Variants in NT5DC1 observed in about 807,000 individuals in gnomAD.
NT5DC1 encodes the protein 5'-nucleotidase domain containing 1, also known as 5'-nucleotidase domain-containing protein 1.
In NT5DC1, 42 loss-of-function variants were observed where a neutral mutation model predicts 59.4. The ratio of observed to expected loss-of-function variants is 0.71; its 90% confidence interval spans 0.55 to 0.92. NT5DC1 has a LOEUF of 0.92. NT5DC1 is among the 40% of genes least tolerant of loss of function. The pLI is 0.00. For missense variants in NT5DC1, 501 were observed against 537.1 expected, an observed-to-expected ratio of 0.93 and a Z score of 0.66; for synonymous variants, 172 against 188.1, an observed-to-expected ratio of 0.91 and a Z score of 0.70.
At chr6:116,139,065 C>G (rs1246751258) in intron 6 of NT5DC1, among the ~76,000 whole-genome samples, 1 of 151,774 alleles carries the variant, frequency 6.6e-6, no homozygotes, top group Non-Finnish European at 1.5e-5. Context: ...AATAGTGCAA[C>G]TACAAAAAAA....
rs370375926 is a variant in NT5DC1, at chr6:116,223,037, T to A, written c.708T>A (p.Asn236Lys). 1.9e-6 allele frequency: 3 copies of A among 1,559,786 alleles called. No homozygotes were observed. The highest frequency in any genetic ancestry group is 2.6e-6 in the Non-Finnish European group (3 of 1,134,574). ...TGAAAAATTGTGTTGCTTTTAGGAA[T>A]GATTTTACAGACCTTTTTGACATTG... ...CRLLCEYILG[N>K]DFTDLFDIVI... The change falls in exon 8 of 12, where the codon AAT (asparagine) becomes AAA (lysine). Residue 236 changes from asparagine to lysine, a missense_variant. By Grantham distance (94) the Asn-to-Lys change is moderately conservative. Transcript: ENST00000319550.
rs367736021 is a variant in NT5DC1, at chr6:116,110,841, C to A, written c.258-9C>A. On this transcript the variant is annotated splice_polypyrimidine_tract_variant and intron_variant, in intron 3 of 11. Coordinates refer to ENST00000319550, the MANE Select transcript of NT5DC1 (RefSeq NM_152729.3). ...TTAATGAGCAATGTGCCTCCTCTCT[C>A]AAAATCAGGGCAAGCCATGGCACCA... 8.1e-6 allele frequency: 13 copies of A among 1,606,208 alleles called. No homozygotes were observed.
chr6:116,110,806 C>T (rs752831558), intron 3 of NT5DC1, 44 bp from the exon 4 acceptor site: 2 of 1,342,970 alleles, frequency 1.5e-6, no homozygotes, highest in South Asian at 2.3e-5. Flanking sequence ...AAGGGGCATT[C>T]AAGGAACCAT....
chr6:116,231,679 A>G (rs1782023714), intron 8 of NT5DC1, among the ~76,000 whole-genome samples: 1 of 152,340 alleles, frequency 6.6e-6, no homozygotes, highest in East Asian at 1.9e-4. Context: ...AGATCCTCTC[A>G]TGTTTGTAAC....
intron 3 of NT5DC1, among the ~76,000 whole-genome samples, chr6:116,109,553 G>A (rs1778832878): frequency 6.6e-6 from 1 of 152,080 alleles, no homozygotes; most frequent in African/African-American, 2.4e-5. Context: ...CCTCCTACAA[G>A]GTCTGTCTCT....
chr6:116,119,953 T>G, intron 6 of NT5DC1: 1 of 974,494 alleles, frequency 1.0e-6, no homozygotes. Context: ...AGCTCAAATC[T>G]GTATTTCAGA....
At chr6:116,219,028 G>T (rs905572732) in intron 6 of NT5DC1, among the ~76,000 whole-genome samples, 3 of 152,130 alleles carry the variant, frequency 2.0e-5, no homozygotes, top group African/African-American at 4.8e-5. Context: ...AGTGGCTCAT[G>T]CCTGTAATCA....
intron 6 of NT5DC1, chr6:116,121,520 G>A: frequency 6.2e-7 from 1 of 1,614,068 alleles, no homozygotes; most frequent in Non-Finnish European, 8.5e-7. Flanking sequence ...CCTCTCACCT[G>A]GACGACCAGG....
At chr6:116,136,069 A>C (rs961715239) in intron 6 of NT5DC1, among the ~76,000 whole-genome samples, 1 of 151,930 alleles carries the variant, frequency 6.6e-6, no homozygotes, top group Non-Finnish European at 1.5e-5. Flanking sequence ...ACTTTGTGCC[A>C]CTTGAAAAAC....
chr6:116,171,900 T>A (rs1305543740), intron 6 of NT5DC1, among the ~76,000 whole-genome samples: 1 of 152,202 alleles, frequency 6.6e-6, no homozygotes, highest in Non-Finnish European at 1.5e-5. Flanking sequence ...ACAGGGAAGT[T>A]TAAGTCCGAG....
chr6:116,221,268 T>C, intron 7 of NT5DC1, 40 bp downstream of exon 7: 2 of 1,194,690 alleles, frequency 1.7e-6, no homozygotes, highest in South Asian at 1.4e-5. Flanking sequence ...TCTTATGAAA[T>C]ACAGATAGCA....
chr6:116,237,599 T>C (rs1339008729), intron 9 of NT5DC1: 2 of 446,084 alleles, frequency 4.5e-6, no homozygotes. Context: ...ATGCTGATTC[T>C]CATATCCCTT....
intron 8 of NT5DC1, among the ~76,000 whole-genome samples, chr6:116,230,550 T>G (rs1224948003): frequency 2.0e-5 from 3 of 152,244 alleles, no homozygotes; most frequent in Admixed American, 6.5e-5. Context: ...AACCTTAGAT[T>G]CTGCATTTCT....
rs565988807 is a variant in NT5DC1, at chr6:116,245,360, A to T, written c.*1336A>T. On this transcript the variant is annotated 3_prime_UTR_variant, in exon 12 of 12. Coordinates refer to ENST00000319550, the MANE Select transcript of NT5DC1 (RefSeq NM_152729.3). ...CCTGGATTGAAGTGCAGAATTTGGC[A>T]TATCGATGCATGCAATGGAAAGAAA... The T allele has an allele frequency of 6.5e-6, 1 of 152,736 alleles. No individual in the cohort carries two copies. The highest frequency in any genetic ancestry group is 1.9e-4 in the East Asian group (1 of 5,182). 9.5% of individuals were successfully genotyped at this position (152,736 alleles called of 1,614,324 possible).
At chr6:116,155,019 G>A (rs1582839760) in intron 6 of NT5DC1, among the ~76,000 whole-genome samples, 1 of 152,110 alleles carries the variant, frequency 6.6e-6, no homozygotes, top group South Asian at 2.1e-4. Context: ...AAATGAGGCT[G>A]GTATAACAGA....
intron 6 of NT5DC1, among the ~76,000 whole-genome samples, chr6:116,149,631 C>T (rs1327498141): frequency 1.3e-5 from 2 of 151,970 alleles, no homozygotes; most frequent in East Asian, 1.9e-4. Flanking sequence ...ATTGTTTTTC[C>T]AAAAAAGCCC....
chr6:116,236,278 T>G (rs185091277), intron 8 of NT5DC1, among the ~76,000 whole-genome samples: 1 of 152,366 alleles, frequency 6.6e-6, no homozygotes, highest in East Asian at 1.9e-4. Context: ...TTAATCATCA[T>G]GCTGGTAGGC....
At chr6:116,127,468 T>C (rs1004231211) in intron 6 of NT5DC1, among the ~76,000 whole-genome samples, 2 of 152,144 alleles carry the variant, frequency 1.3e-5, no homozygotes, top group African/African-American at 2.4e-5. Context: ...TATAGCAGTT[T>C]AGAATAACAA....
chr6:116,138,564 C>T lies in NT5DC1; in HGVS notation c.529+20619C>T, dbSNP rs543525173. On this transcript the variant is annotated intron_variant, in intron 6 of 11. Coordinates refer to ENST00000319550, the MANE Select transcript of NT5DC1 (RefSeq NM_152729.3). The stretch of plus-strand genomic sequence containing the variant: ...GAAGCTAATTGAAAAGCAAATAGTG[C>T]GAATGTCGATATATTTGTTTTTATT... 4.6e-5 allele frequency among the ~76,000 whole-genome samples: 7 copies of T among 151,940 alleles called. No individual in the cohort carries two copies. The South Asian group carries it at 8.3e-4, about 18-fold the overall frequency.
Sources: gnomAD v4.1 joint callset for allele counts (sites outside exome capture counted in the v4.1 genomes callset) on GRCh38, gnomAD v4.1.1 for gene constraint, MANE v1.5 for transcripts, NCBI Gene and HGNC (gene_info 2026-07-23, HGNC 2026-07-21) for gene names.